The following ACCS variants were observed in gnomAD, a reference collection of about 807,000 sequenced individuals.
The protein encoded by ACCS is 1-aminocyclopropane-1-carboxylate synthase-like protein 1.
ACCS carries 42 observed loss-of-function variants against 59.8 expected under a neutral mutation model. The ratio of observed to expected loss-of-function variants is 0.70; its 90% CI spans 0.55 to 0.91. The LOEUF is 0.91. Ranked by LOEUF, ACCS falls within the 40% of genes least tolerant of loss-of-function variation. The probability of loss-of-function intolerance (pLI) is 0.00; values close to 1 mark genes in which losing one functional copy is unlikely to be tolerated. For missense variants in ACCS, 602 were observed against 630.4 expected (o/e 0.95, Z 0.48); for synonymous variants, 230 against 240.3 (o/e 0.96, Z 0.40).
chr11:44,077,134 A>ACG (rs1953402082), intron 6 of ACCS, 145 bp from the exon 7 acceptor site: 1 of 855,120 alleles, frequency 1.2e-6, no homozygotes, highest in South Asian at 2.1e-5. Context: ...AGCTTTCCAA[A>ACG]GTGTTTTGGG....
At chr11:44,081,369 A>G in intron 12 of ACCS, 49 bp downstream of exon 12, 1 of 1,604,384 alleles carries the variant, frequency 6.2e-7, no homozygotes, top group African/African-American at 1.3e-5. Flanking sequence ...GGTTGGAGGC[A>G]GCCTGGGAAC....
Position 44,066,559 on chromosome 11 carries a change from A to G in ACCS, c.-143A>G, listed in dbSNP as rs1952804338. 1 of 152,254 alleles carries G rather than the reference A, an allele frequency of 6.6e-6. No homozygotes were observed. Among genetic ancestry groups the G allele is most frequent in the African/African-American group, 2.4e-5 (1 of 41,460 alleles). 9.4% of individuals were successfully genotyped at this position (152,254 alleles called of 1,614,324 possible). On this transcript the variant is annotated 5_prime_UTR_variant, in exon 1 of 15. Coordinates refer to ENST00000263776, the MANE Select transcript of ACCS (RefSeq NM_032592.4). ...TTCCAAGGCCTCATCGAGTGCGGGT[A>G]TCTGGCTGTGGATTCGCCGCCGTCC... is the stretch of plus-strand genomic sequence containing the variant.
At chr11:44,078,529 G>A (rs1355495673) in intron 8 of ACCS, 155 bp from the exon 9 acceptor site, 8 of 589,830 alleles carry the variant, frequency 1.4e-5, no homozygotes, top group East Asian at 2.8e-5. Context: ...TGCTGCAGAT[G>A]TAATTCTGTG....
intron 2 of ACCS, among the ~76,000 whole-genome samples, chr11:44,068,470 T>A (rs750122252): frequency 7.9e-5 from 12 of 152,084 alleles, no homozygotes; most frequent in Non-Finnish European, 1.5e-4. Context: ...CAGGGTGTGG[T>A]GGCGTGCACT....
chr11:44,074,639 G>A lies in ACCS; in HGVS notation c.447G>A (p.Leu149=), dbSNP rs1484821406. ...TCCGGGAGGAAGTGGCCAAGTTCCTGTCTTTCTACTGCAAGAGCCCAGTAC... is the reference window on the plus strand; with the variant it reads ...TCCGGGAGGAAGTGGCCAAGTTCCTATCTTTCTACTGCAAGAGCCCAGTAC... ...LFLREEVAKF[L]SFYCKSPVPL... The change falls in exon 5 of 15, where the codon CTG becomes CTA. Residue 149 remains leucine (L), a synonymous_variant. Transcript: ENST00000263776. The A allele has an allele frequency of 4.3e-6, 7 of 1,613,644 alleles. No homozygotes were observed. Among genetic ancestry groups the A allele is most frequent in the Non-Finnish European group, 5.9e-6 (7 of 1,179,884 alleles).
Position 44,075,447 on chromosome 11 carries a change from G to T in ACCS, c.490-79G>T, listed in dbSNP as rs57239017. The T allele has an allele frequency of 3.2e-3, 4,814 of 1,499,062 alleles. 119 individuals carry two copies. In the African/African-American group the frequency reaches 0.058, roughly 18 times the overall value. 92.9% of individuals were successfully genotyped at this position (1,499,062 alleles called of 1,614,324 possible). On this transcript the variant is annotated intron_variant, in intron 5 of 14. Transcript: ENST00000263776. ...CAAGGCAGGGCCTGGCGCTCACTCT[G>T]TGCTGTCCTGGGAGGCTGCGGGTCC...
At position 44,083,691 on chromosome 11, in the gene ACCS, C is replaced by T. The variant is rs755042042; in HGVS notation, c.1409-4C>T. On this transcript the variant is annotated splice_region_variant and splice_polypyrimidine_tract_variant and intron_variant, in intron 14 of 14. Transcript: ENST00000263776. ...CCAACTGGCCCCTCACTTCCCCTTCCCAGGGATGCAGAGGGTCCAGCAGGT... is the reference window on the plus strand; with the variant it reads ...CCAACTGGCCCCTCACTTCCCCTTCTCAGGGATGCAGAGGGTCCAGCAGGT... 15 of 1,614,062 alleles carry T rather than the reference C, an allele frequency of 9.3e-6. No individual in the cohort carries two copies. The highest frequency in any genetic ancestry group is 1.2e-5 in the Non-Finnish European group (14 of 1,180,038).
At chr11:44,068,726 G>C (rs969921863) in intron 2 of ACCS, among the ~76,000 whole-genome samples, 6 of 152,216 alleles carry the variant, frequency 3.9e-5, no homozygotes, top group Non-Finnish European at 8.8e-5. Context: ...CTCAATAAAT[G>C]ATAGCTGCTA....
At chr11:44,067,973 T>C in intron 2 of ACCS, 58 bp downstream of exon 2, 6 of 1,511,940 alleles carry the variant, frequency 4.0e-6, no homozygotes, top group Non-Finnish European at 5.3e-6. Flanking sequence ...TGGGGTACCC[T>C]ACCTTGACCA....
At chr11:44,078,186 T>C (rs574159713) in intron 8 of ACCS, 99 of 478,892 alleles carry the variant, frequency 2.1e-4, no homozygotes, top group African/African-American at 1.8e-3. Flanking sequence ...CCATCCCTGA[T>C]CCATCTGATT....
Position 44,083,316 on chromosome 11 carries a change from T to C in ACCS, c.1254+5T>C. ...ATCTGGGTTGACTTGAGAAAGGTAA[T>C]GCTGGTGGAGGTGCGGGCTGAGAGG... is the stretch of plus-strand genomic sequence containing the variant. On this transcript the variant is annotated splice_donor_5th_base_variant and intron_variant, in intron 13 of 14. Transcript: ENST00000263776. 6.2e-7 allele frequency: 1 copy of C among 1,613,966 alleles called. No homozygotes were observed. Among genetic ancestry groups the C allele is most frequent in the South Asian group, 1.1e-5 (1 of 91,068 alleles).
intron 7 of ACCS, 119 bp from the exon 8 acceptor site, chr11:44,077,726 C>T (rs1392830078): frequency 1.4e-6 from 2 of 1,473,432 alleles, no homozygotes; most frequent in East Asian, 4.9e-5. Flanking sequence ...CCTGCTTTTC[C>T]AGAGACTCTT....
rs1206353679 is a variant in ACCS, at chr11:44,084,179, A to G, written c.*387A>G. 4.8e-6 allele frequency: 1 copy of G among 208,090 alleles called. No individual in the cohort carries two copies. 12.9% of individuals were successfully genotyped at this position (208,090 alleles called of 1,614,324 possible). A position where few individuals can be genotyped will look rare whatever the true frequency, so the allele number is the denominator to read the frequency against. ...TCTTTGTCACCAAGGAAACGAGTCA[A>G]AGGAACAGCACATACAGGAGAGTTT... On this transcript the variant is annotated 3_prime_UTR_variant, in exon 15 of 15. Transcript: ENST00000263776.
chr11:44,081,523 A>G (rs531559476), intron 12 of ACCS, among the ~76,000 whole-genome samples: 1 of 152,364 alleles, frequency 6.6e-6, no homozygotes, highest in Non-Finnish European at 1.5e-5. Context: ...TATCTGTATG[A>G]GCCTCAGTTT....
chr11:44,073,574 A>G, intron 4 of ACCS, 57 bp downstream of exon 4: 1 of 1,529,186 alleles, frequency 6.5e-7, no homozygotes, highest in South Asian at 1.2e-5. Flanking sequence ...CAATGTTGGG[A>G]GACATTTTTG....
In ACCS at chr11:44,083,982, G is replaced by A; in HGVS notation, c.*190G>A. Reference sequence around the variant, plus strand: ...CTCCTTAAGCTGTGGTTCAGCCTGGGCCCTCCCTCTCTCCTATTAAACAAA... The same window carrying A: ...CTCCTTAAGCTGTGGTTCAGCCTGGACCCTCCCTCTCTCCTATTAAACAAA... On this transcript the variant is annotated 3_prime_UTR_variant, in exon 15 of 15. Coordinates refer to ENST00000263776, the MANE Select transcript of ACCS (RefSeq NM_032592.4). 2 of 1,285,282 alleles carry A rather than the reference G, an allele frequency of 1.6e-6. No homozygotes were observed. The highest frequency in any genetic ancestry group is 3.1e-5 in the South Asian group (2 of 64,026). The allele number at this position is 1,285,282 out of a possible 1,614,324, so 79.6% of individuals were successfully genotyped here. A position where few individuals can be genotyped will look rare whatever the true frequency, so the allele number is the denominator to read the frequency against.
chr11:44,077,554 G>T, intron 7 of ACCS, 178 bp downstream of exon 7: 1 of 1,446,442 alleles, frequency 6.9e-7, no homozygotes, highest in East Asian at 2.5e-5. Flanking sequence ...CAAAGTTCCA[G>T]TCTCTGAGAT....
rs567487373 is a variant in ACCS at position 44,084,123 on chromosome 11, C to A, written c.*331C>A. 8.1e-6 allele frequency: 2 copies of A among 247,306 alleles called. No homozygotes were observed. Among genetic ancestry groups the A allele is most frequent in the Non-Finnish European group, 1.5e-5 (2 of 129,154 alleles). The allele number at this position is 247,306 out of a possible 1,614,324, so 15.3% of individuals were successfully genotyped here. ...GTGAAAAGAAAACAAACAACTTGTA[C>A]CTTCTTTCTGATATCACCGTCATTC... On this transcript the variant is annotated 3_prime_UTR_variant, in exon 15 of 15. Transcript: ENST00000263776.
chr11:44,067,866 G>A lies in ACCS; in HGVS notation c.239G>A (p.Gly80Asp), dbSNP rs1380386543. Residue 80 changes from glycine to aspartate, a missense_variant, in exon 2 of 15, where the codon GGC (glycine) becomes GAC (aspartate). Gly to Asp is a moderately conservative substitution (Grantham distance 94). Coordinates refer to ENST00000263776, the MANE Select transcript of ACCS (RefSeq NM_032592.4). ...IKWFWDSAEE[G>D]YRTYHMDEYD... ...TGGTTCTGGGATTCAGCTGAGGAGG[G>A]CTACAGGACCTACCACATGGATGAG... 1 of 1,613,610 alleles carries A rather than the reference G, an allele frequency of 6.2e-7. No individual in the cohort carries two copies. The highest frequency in any genetic ancestry group is 1.7e-4 in the Middle Eastern group (1 of 6,060).
Sources: allele counts gnomAD v4.1 joint callset (sites outside exome capture counted in the v4.1 genomes callset), GRCh38; gene constraint gnomAD v4.1.1; transcripts MANE v1.5; gene names NCBI Gene and HGNC (gene_info 2026-07-23, HGNC 2026-07-21).